NBPF14: variants seen among roughly 807,000 people sequenced by gnomAD.
NBPF14 encodes the protein NBPF member 14.
Under a neutral mutation model 91.2 loss-of-function variants are expected in NBPF14, and 104 were observed. That is an observed-to-expected ratio of 1.14 (90% CI 0.97 to 1.34). The LOEUF (loss-of-function observed/expected upper bound fraction) is 1.34. NBPF14 is among the 40% of genes most tolerant of loss of function. The pLI is 0.00. For synonymous variants in NBPF14, 294 were observed against 303.8 expected, an observed-to-expected ratio of 0.97 and a Z score of 0.34; for missense variants, 908 against 783.0, an observed-to-expected ratio of 1.16 and a Z score of -1.91.
At chr1:148,592,850 A>G in intron 3 of NBPF14, 84 bp from the exon 4 acceptor site, 3 of 988,218 alleles carry the variant, frequency 3.0e-6, no homozygotes, top group Non-Finnish European at 4.3e-6. Context: ...TTCTGAGACA[A>G]TGTCATCAAG....
intron 36 of NBPF14, among the ~76,000 whole-genome samples, chr1:148,560,177 G>C (rs1218030411): frequency 5.3e-5 from 8 of 151,358 alleles, no homozygotes; most frequent in South Asian, 2.1e-4. Context: ...GACAGAGACA[G>C]AGACAGAGAC....
intron 27 of NBPF14, 108 bp from the exon 28 acceptor site, chr1:148,567,111 A>G: frequency 2.5e-5 from 4 of 159,204 alleles, no homozygotes; most frequent in East Asian, 1.8e-4. Flanking sequence ...CAGCATGAGA[A>G]CAGGACCATG....
rs781953122 is a variant in NBPF14, at chr1:148,533,858, C to T, written c.8723+3G>A. 19 of 764,616 alleles carry T rather than the reference C, an allele frequency of 2.5e-5. No homozygotes were observed. The highest frequency in any genetic ancestry group is 4.5e-5 in the Non-Finnish European group (19 of 418,068). The allele number at this position is 764,616 out of a possible 1,614,324, so 47.4% of individuals were successfully genotyped here. A position where few individuals can be genotyped will look rare whatever the true frequency, so the allele number is the denominator to read the frequency against. Reference sequence around the variant, plus strand: ...CTAAGGATCCACAATTGCTGAAAGTCACCTGGGGCATGGTGGGTTTTGATC... The same window carrying T: ...CTAAGGATCCACAATTGCTGAAAGTTACCTGGGGCATGGTGGGTTTTGATC... On this transcript the variant is annotated splice_donor_region_variant and intron_variant, in intron 70 of 70. Coordinates refer to ENST00000619423, the Ensembl canonical transcript of NBPF14.
chr1:148,539,134 G>T (rs1655462073), intron 63 of NBPF14, among the ~76,000 whole-genome samples: 1 of 21,606 alleles, frequency 4.6e-5, no homozygotes, highest in African/African-American at 3.5e-4. Flanking sequence ...TCATACTTCT[G>T]TGAATTTTTT....
Position 148,587,071 on chromosome 1 carries a change from A to C in NBPF14, c.1091+230T>G, listed in dbSNP as rs1466662394. Among the ~76,000 whole-genome samples the C allele has an allele frequency of 1.4e-5, 2 of 148,004 alleles. 1 individual carries two copies. The highest frequency in any genetic ancestry group is 4.4e-4 in the South Asian group (2 of 4,518). ...TAATTTTGTGTTATGTAAATTTCACATCAAAAATTACTTGTTTGAAAAAGA... is the reference window on the plus strand; with the variant it reads ...TAATTTTGTGTTATGTAAATTTCACCTCAAAAATTACTTGTTTGAAAAAGA... On this transcript the variant is annotated intron_variant, in intron 8 of 70. Coordinates refer to ENST00000619423, the Ensembl canonical transcript of NBPF14.
rs1380808285 is a variant in NBPF14 at position 148,533,850 on chromosome 1, C to G, written c.8723+11G>C. 1.3e-6 allele frequency: 1 copy of G among 765,238 alleles called. No individual in the cohort carries two copies. The highest frequency in any genetic ancestry group is 1.3e-5 in the South Asian group (1 of 74,504). 47.4% of individuals were successfully genotyped at this position (765,238 alleles called of 1,614,324 possible). On this transcript the variant is annotated intron_variant, in intron 70 of 70. Transcript: ENST00000619423. Reference sequence around the variant, plus strand: ...ACACAGAACTAAGGATCCACAATTGCTGAAAGTCACCTGGGGCATGGTGGG... The same window carrying G: ...ACACAGAACTAAGGATCCACAATTGGTGAAAGTCACCTGGGGCATGGTGGG...
chr1:148,590,177 G>C (rs1662243165), intron 6 of NBPF14, among the ~76,000 whole-genome samples: 1 of 141,702 alleles, frequency 7.1e-6, no homozygotes, highest in Non-Finnish European at 1.6e-5. Context: ...AGCCTCCTGA[G>C]TAGCTGGGAC....
chr1:148,534,425 G>C (rs1223960051), intron 69 of NBPF14, among the ~76,000 whole-genome samples: 4 of 151,698 alleles, frequency 2.6e-5, no homozygotes, highest in African/African-American at 7.3e-5. Flanking sequence ...TGTCACATCT[G>C]CCCAGGTCCA....
chr1:148,534,055 C>T, intron 69 of NBPF14, 86 bp from the exon 70 acceptor site: 2 of 610,408 alleles, frequency 3.3e-6, no homozygotes, highest in East Asian at 2.8e-5. Context: ...CACACAGGGA[C>T]CTCAGGCTCC....
chr1:148,534,412 A>T (rs1654541690), intron 69 of NBPF14, among the ~76,000 whole-genome samples: 2 of 151,780 alleles, frequency 1.3e-5, no homozygotes, highest in Non-Finnish European at 2.9e-5. Flanking sequence ...AGTTCTCTGA[A>T]TTTGTCACAT....
intron 17 of NBPF14, 81 bp downstream of exon 17, chr1:148,575,558 T>C: frequency 1.8e-5 from 2 of 113,056 alleles, no homozygotes; most frequent in Non-Finnish European, 3.0e-5. Flanking sequence ...CTCGGGTCAG[T>C]AAGGGGCACT....
chr1:148,577,924 G>A (rs1279419716), intron 14 of NBPF14, 59 bp downstream of exon 14: 8 of 633,844 alleles, frequency 1.3e-5, no homozygotes, highest in East Asian at 5.4e-5. Flanking sequence ...TGTTTTCCCT[G>A]GACTTGGCAT....
chr1:148,539,247 G>T lies in NBPF14; in HGVS notation c.7882+163C>A, dbSNP rs1353127418. Among the ~76,000 whole-genome samples, 6 of 112,734 alleles carry T rather than the reference G, an allele frequency of 5.3e-5. 2 individuals carry two copies. The highest frequency in any genetic ancestry group is 1.0e-4 in the Non-Finnish European group (6 of 57,348). The allele number at this position is 112,734 out of a possible 152,430, so 74.0% of individuals were successfully genotyped here. On this transcript the variant is annotated intron_variant, in intron 63 of 70. Transcript: ENST00000619423. Reference sequence around the variant, plus strand: ...GCTCACTGACCCATTTCATGTCTAGGCTTCCAACTGAGACTACAGTTTCTT... The same window carrying T: ...GCTCACTGACCCATTTCATGTCTAGTCTTCCAACTGAGACTACAGTTTCTT...
chr1:148,566,506 CAG>C (rs1295532109), intron 28 of NBPF14, among the ~76,000 whole-genome samples, 191 bp from the exon 29 acceptor site: 2 of 93,556 alleles, frequency 2.1e-5, no homozygotes, highest in Non-Finnish European at 2.0e-5. Context: ...AAGAGAAAGA[CAG>C]ACACACACAC....
intron 28 of NBPF14, among the ~76,000 whole-genome samples, chr1:148,566,628 G>T (rs1658468587): frequency 7.1e-6 from 1 of 140,106 alleles, no homozygotes; most frequent in African/African-American, 2.6e-5. Context: ...CTGAGTTAGT[G>T]CCCTCAGGAC....
intron 4 of NBPF14, among the ~76,000 whole-genome samples, chr1:148,592,091 TC>T (rs1384502397): frequency 1.6e-5 from 2 of 128,964 alleles, no homozygotes; most frequent in African/African-American, 5.5e-5. Flanking sequence ...TCGTAAGTGT[TC>T]CCATATTTGG....
At chr1:148,572,561 C>G in exon 21 of NBPF14, 1 of 658,456 alleles carries the variant, frequency 1.5e-6, no homozygotes, top group East Asian at 2.7e-5. Context: ...AACATCTATC[C>G]AGTGAGTCCT....
chr1:148,566,554 C>G (rs1325953827), intron 28 of NBPF14, among the ~76,000 whole-genome samples: 1 of 144,432 alleles, frequency 6.9e-6, no homozygotes, highest in Admixed American at 6.8e-5. Context: ...CACACACACA[C>G]ACACAGAGAA....
Position 148,566,594 on chromosome 1 carries a change from CTGA to C in NBPF14, c.3543-282_3543-280del, listed in dbSNP as rs1405414984. 2.7e-4 allele frequency among the ~76,000 whole-genome samples: 38 copies of C among 142,462 alleles called. No individual in the cohort carries two copies. In the South Asian group the frequency reaches 8.3e-3, roughly 31 times the overall value. 93.5% of individuals were successfully genotyped at this position (142,462 alleles called of 152,430 possible). ...CTCAGTGAATTGTCCAGGTGACACA[CTGA>C]TGAGGGAGTAACAGGACACTCTGAG... is the stretch of plus-strand genomic sequence containing the variant. On this transcript the variant is annotated intron_variant, in intron 28 of 70. Transcript: ENST00000619423.
Sources: gnomAD v4.1 joint callset for allele counts (sites outside exome capture counted in the v4.1 genomes callset) on GRCh38, gnomAD v4.1.1 for gene constraint, MANE v1.5 for transcripts, NCBI Gene and HGNC (gene_info 2026-07-23, HGNC 2026-07-21) for gene names.